GLI3: variants seen among roughly 807,000 people sequenced by gnomAD.
GLI3 encodes the protein GLI family zinc finger 3, also known as transcription activator GLI3.
A neutral mutation model predicts 100.8 loss-of-function variants in GLI3; 20 were observed. The ratio of observed to expected loss-of-function variants is 0.20; its 90% CI spans 0.14 to 0.29. The LOEUF (loss-of-function observed/expected upper bound fraction) is 0.29. Among genes scored for constraint, GLI3 ranks in the 10% least tolerant of loss-of-function variants. The probability of loss-of-function intolerance (pLI) is 1.00; values close to 1 mark genes in which losing one functional copy is unlikely to be tolerated. For synonymous variants in GLI3, 938 were observed against 860.5 expected (o/e 1.09, Z -1.58); for missense variants, 2,040 against 2,128.5 (o/e 0.96, Z 0.82).
intron 2 of GLI3, among the ~76,000 whole-genome samples, chr7:42,171,570 C>T (rs1159848096): frequency 1.3e-5 from 2 of 152,174 alleles, no homozygotes; most frequent in African/African-American, 4.8e-5. Flanking sequence ...ATGATTATTG[C>T]TTTTGTTATT....
intron 3 of GLI3, among the ~76,000 whole-genome samples, chr7:42,087,485 A>G (rs985102073): frequency 5.3e-4 from 81 of 152,312 alleles, no homozygotes; most frequent in African/African-American, 1.9e-3. Flanking sequence ...CCTCTAAGAC[A>G]GGGCAGACAC....
intron 2 of GLI3, among the ~76,000 whole-genome samples, chr7:42,179,851 A>G (rs1020455686): frequency 6.6e-6 from 1 of 152,176 alleles, no homozygotes; most frequent in African/African-American, 2.4e-5. Context: ...AGCAGCCTGA[A>G]GTGGGTGGAG....
chr7:41,971,732 C>T (rs532596813), intron 13 of GLI3, among the ~76,000 whole-genome samples: 9 of 152,270 alleles, frequency 5.9e-5, no homozygotes, highest in Admixed American at 1.3e-4. Context: ...AAAAAACTCA[C>T]CCCTGCTATG....
intron 2 of GLI3, among the ~76,000 whole-genome samples, chr7:42,210,653 T>C (rs1490194308): frequency 6.6e-6 from 1 of 152,108 alleles, no homozygotes; most frequent in East Asian, 1.9e-4. Context: ...TAAACGAAAA[T>C]AAAACATGCT....
rs764948143 is a variant in GLI3, at chr7:41,964,914, C to A, written c.4159G>T (p.Ala1387Ser). ...LAVVRGYQPCASFGGSRRQAM... is the reference protein window; with the variant it reads ...LAVVRGYQPCSSFGGSRRQAM... The stretch of plus-strand genomic sequence containing the variant: ...TGGCGCCTGCTGCCCCCAAAGCTGG[C>A]ACATGGCTGGTAGCCCCTGACAACT... The change falls in exon 15 of 15, where the codon GCC becomes TCC. Residue 1387 changes from alanine to serine, a missense_variant. By Grantham distance (99) the Ala-to-Ser change is moderately conservative (BLOSUM62 1). This residue lies in a region of GLI3 where 1,041 missense variants were observed against 924.0 expected (regional missense o/e 1.13). Transcript: ENST00000395925. 1 of 1,613,826 alleles carries A rather than the reference C, an allele frequency of 6.2e-7. No homozygotes were observed. The highest frequency in any genetic ancestry group is 8.5e-7 in the Non-Finnish European group (1 of 1,180,044).
chr7:42,172,658 GC>G (rs1787399748), intron 2 of GLI3: 2 of 702,580 alleles, frequency 2.8e-6, no homozygotes, highest in Non-Finnish European at 5.2e-6. Context: ...TCCTGGTCCA[GC>G]CTCTGGCCTG....
upstream of GLI3, among the ~76,000 whole-genome samples, chr7:42,241,701 C>G (rs889441116): frequency 1.3e-5 from 2 of 152,204 alleles, no homozygotes; most frequent in African/African-American, 2.4e-5. Flanking sequence ...TGCTGTGTCC[C>G]TCTTCACCTT....
rs550233381 is a variant in GLI3, at chr7:42,255,929, C to T, written c.-43+8065G>A. Reference sequence around the variant, plus strand: ...CCATACCATTCTGCATTATGACTGGCAATACATAACGGTTCCAGTTTTTCC... The same window carrying T: ...CCATACCATTCTGCATTATGACTGGTAATACATAACGGTTCCAGTTTTTCC... On this transcript the variant is annotated intron_variant, in intron 1 of 2. Transcript: ENST00000678978. 6.6e-5 allele frequency among the ~76,000 whole-genome samples: 10 copies of T among 152,284 alleles called. No individual in the cohort carries two copies. In the South Asian group the frequency reaches 2.1e-3, roughly 32 times the overall value.
At chr7:41,985,368 A>T (rs1787790780) in intron 10 of GLI3, among the ~76,000 whole-genome samples, 1 of 152,200 alleles carries the variant, frequency 6.6e-6, no homozygotes, top group African/African-American at 2.4e-5. Context: ...CTTCTGTGGG[A>T]TTTGCTGGGG....
At chr7:42,202,636 TCACAAGCATGCA>T (rs1263439963) in intron 2 of GLI3, among the ~76,000 whole-genome samples, 2 of 152,146 alleles carry the variant, frequency 1.3e-5, no homozygotes, top group Non-Finnish European at 2.9e-5. Flanking sequence ...CTAAGTGCCC[TCACAAGCATGCA>T]CATCACCAGG....
intron 6 of GLI3, among the ~76,000 whole-genome samples, chr7:42,043,400 G>C (rs1784182662): frequency 6.6e-6 from 1 of 152,174 alleles, no homozygotes; most frequent in African/African-American, 2.4e-5. Flanking sequence ...GGGATACTCT[G>C]TTGAAGGGAG....
intron 3 of GLI3, among the ~76,000 whole-genome samples, chr7:42,103,880 T>C (rs1343235818): frequency 6.6e-6 from 1 of 152,138 alleles, no homozygotes; most frequent in Non-Finnish European, 1.5e-5. Flanking sequence ...AATCTGATAA[T>C]GCATTACCAT....
At chr7:42,242,565 C>G (rs777793655), upstream of GLI3, among the ~76,000 whole-genome samples, 1 of 152,196 alleles carries the variant, frequency 6.6e-6, no homozygotes, top group Non-Finnish European at 1.5e-5. Flanking sequence ...CACTGTCCTT[C>G]TATTCAGTGC....
At chr7:42,056,798 A>AAAATAAAT (rs553929567) in intron 4 of GLI3, among the ~76,000 whole-genome samples, 3,472 of 148,464 alleles carry the variant, frequency 0.023, 140 homozygotes, top group African/African-American at 0.078. Flanking sequence ...TAAAAATACA[A>AAAATAAAT]AAATAAATAA....
chr7:42,025,247 C>G lies in GLI3; in HGVS notation c.1356+17G>C. The stretch of plus-strand genomic sequence containing the variant: ...TGGGAGGAGTGGGCGCTGGCCTGTG[C>G]GGCCTCGGTGTCCTACCTGCTGCCC... On this transcript the variant is annotated intron_variant, in intron 9 of 14. Coordinates refer to ENST00000395925, the MANE Select transcript of GLI3 (RefSeq NM_000168.6). 1.3e-6 allele frequency: 2 copies of G among 1,545,314 alleles called. No homozygotes were observed. Among genetic ancestry groups the G allele is most frequent in the Non-Finnish European group, 1.8e-6 (2 of 1,117,762 alleles).
chr7:42,230,102 G>T (rs1004276367), intron 1 of GLI3, among the ~76,000 whole-genome samples: 3 of 52,592 alleles, frequency 5.7e-5, no homozygotes, highest in African/African-American at 1.4e-4. Context: ...GTTGGGCGGG[G>T]GGGGGGGGGG....
chr7:42,058,136 A>G (rs190030878), intron 4 of GLI3, among the ~76,000 whole-genome samples: 127 of 152,330 alleles, frequency 8.3e-4, no homozygotes, highest in African/African-American at 2.8e-3. Context: ...TAACTAAAAA[A>G]AGAAGAAAAC....
chr7:42,072,381 A>G (rs1385330297), intron 4 of GLI3, among the ~76,000 whole-genome samples: 3 of 152,264 alleles, frequency 2.0e-5, no homozygotes, highest in Non-Finnish European at 4.4e-5. Context: ...ATGAAATCAA[A>G]TTGGAATTTA....
At chr7:42,057,559 G>A (rs183302411) in intron 4 of GLI3, among the ~76,000 whole-genome samples, 1 of 152,196 alleles carries the variant, frequency 6.6e-6, no homozygotes, top group African/African-American at 2.4e-5. Flanking sequence ...CTTAAAAATT[G>A]GAAACAACCT....
Sources: gnomAD v4.1 joint callset for allele counts (sites outside exome capture counted in the v4.1 genomes callset) on GRCh38, gnomAD v4.1.1 for gene constraint, gnomAD v4.1.1 regional missense constraint, MANE v1.5 for transcripts, NCBI Gene and HGNC (gene_info 2026-07-23, HGNC 2026-07-21) for gene names.